CRYBA4: variants seen among roughly 807,000 people sequenced by gnomAD.
CRYBA4 encodes crystallin beta A4, also known as beta-crystallin A4.
Under a neutral mutation model 31.7 loss-of-function variants are expected in CRYBA4, and 30 were observed. The ratio of observed to expected loss-of-function variants is 0.95; its 90% CI spans 0.71 to 1.28. CRYBA4 has a LOEUF of 1.28. CRYBA4 is among the 50% of genes most tolerant of loss of function. The probability of loss-of-function intolerance (pLI) is 0.00; values close to 1 mark genes in which losing one functional copy is unlikely to be tolerated. For missense variants in CRYBA4, 225 were observed against 260.7 expected (o/e 0.86, Z 0.94); for synonymous variants, 102 against 102.3 (o/e 1.00, Z 0.02).
the CRYBA4 span, among the ~76,000 whole-genome samples, chr22:26,596,433 T>G: frequency 6.6e-6 from 1 of 152,202 alleles, no homozygotes; most frequent in African/African-American, 2.4e-5. Flanking sequence ...CTGATGAATT[T>G]CTAGTATGTT....
chr22:26,621,783 G>A (rs1929540202), upstream of CRYBA4, among the ~76,000 whole-genome samples: 1 of 152,200 alleles, frequency 6.6e-6, no homozygotes, highest in Non-Finnish European at 1.5e-5. Flanking sequence ...ATCCCTGGGG[G>A]TGGTGATCTG....
chr22:26,616,081 G>A, the CRYBA4 span: 1 of 1,317,628 alleles, frequency 7.6e-7, no homozygotes, highest in Non-Finnish European at 1.1e-6. Flanking sequence ...GAAGAAGGAG[G>A]AGGAGGGAAG....
chr22:26,613,257 G>C, the CRYBA4 span, among the ~76,000 whole-genome samples: 1 of 152,356 alleles, frequency 6.6e-6, no homozygotes, highest in Middle Eastern at 3.4e-3. Context: ...CATGGACCAA[G>C]GCACAATTTT....
chr22:26,606,978 T>C, the CRYBA4 span, among the ~76,000 whole-genome samples: 1 of 152,036 alleles, frequency 6.6e-6, no homozygotes, highest in Non-Finnish European at 1.5e-5. Flanking sequence ...TATTGTCTTA[T>C]TATTAAGAGG....
the CRYBA4 span, among the ~76,000 whole-genome samples, chr22:26,591,890 T>TACACAC: frequency 0.13 from 18,284 of 135,726 alleles, 1,241 homozygotes; most frequent in Non-Finnish European, 0.16. Flanking sequence ...CCTGGGTGAG[T>TACACAC]ACACACACAC....
chr22:26,622,446 G>T lies in CRYBA4; in HGVS notation c.-12-139G>T, dbSNP rs1036461450. 1.4e-5 allele frequency: 10 copies of T among 739,606 alleles called. No individual in the cohort carries two copies. The Admixed American group carries it at 1.8e-4, about 13-fold the overall frequency. 45.8% of individuals were successfully genotyped at this position (739,606 alleles called of 1,614,324 possible). Reference sequence around the variant, plus strand: ...GATGGAAAGGACAGGAGAGGGACAGGCCAAAGCCATGCATTGCCCCTAGCC... The same window carrying T: ...GATGGAAAGGACAGGAGAGGGACAGTCCAAAGCCATGCATTGCCCCTAGCC... On this transcript the variant is annotated intron_variant, in intron 1 of 5. Transcript: ENST00000354760.
Position 26,630,472 on chromosome 22 carries a change from C to A in CRYBA4, c.576C>A (p.Arg192=), listed in dbSNP as rs749128730. 9 of 1,613,630 alleles carry A rather than the reference C, an allele frequency of 5.6e-6. No individual in the cohort carries two copies. The highest frequency in any genetic ancestry group is 7.6e-6 in the Non-Finnish European group (9 of 1,179,976). The change falls in exon 6 of 6, where the codon CGC becomes CGA. Residue 192 remains arginine (R), a synonymous_variant. Coordinates refer to ENST00000354760, the MANE Select transcript of CRYBA4 (RefSeq NM_001886.3). ...HAPTFQVQSI[R]RIQQ The stretch of plus-strand genomic sequence containing the variant: ...CGACCTTCCAGGTGCAGAGCATCCG[C>A]AGGATCCAGCAGTGAACAGGGGTGC...
At chr22:26,623,402 C>A (rs1360500851) in intron 3 of CRYBA4, 50 bp downstream of exon 3, 1 of 1,432,000 alleles carries the variant, frequency 7.0e-7, no homozygotes, top group Non-Finnish European at 9.9e-7. Flanking sequence ...CAGGAAGGGA[C>A]CTAGAGACGG....
At chr22:26,601,962 T>G in the CRYBA4 span, 2 of 1,613,652 alleles carry the variant, frequency 1.2e-6, no homozygotes, top group Admixed American at 3.3e-5. Context: ...CCTGGATCTC[T>G]ATGGTGTTGC....
At chr22:26,607,740 G>A in the CRYBA4 span, 3 of 1,018,092 alleles carry the variant, frequency 2.9e-6, no homozygotes, top group Non-Finnish European at 4.5e-6. Flanking sequence ...GAATTGATGA[G>A]CTCAAGAATC....
At chr22:26,597,371 G>T in the CRYBA4 span, among the ~76,000 whole-genome samples, 105 of 152,288 alleles carry the variant, frequency 6.9e-4, no homozygotes, top group African/African-American at 2.5e-3. Context: ...CAGCACAAGG[G>T]TATCACATTT....
chr22:26,627,524 C>CTT (rs1198741617), intron 4 of CRYBA4, among the ~76,000 whole-genome samples: 46 of 62,156 alleles, frequency 7.4e-4, no homozygotes, highest in Middle Eastern at 9.8e-3. Flanking sequence ...TTCTTTCTTT[C>CTT]TCTTTCTTTC....
the CRYBA4 span, among the ~76,000 whole-genome samples, chr22:26,593,055 A>C: frequency 6.6e-6 from 1 of 152,168 alleles, no homozygotes; most frequent in East Asian, 1.9e-4. Context: ...TGGACCAGAC[A>C]CCAGACTGTG....
At chr22:26,621,414 A>AC (rs1292872392), upstream of CRYBA4, among the ~76,000 whole-genome samples, 2 of 151,486 alleles carry the variant, frequency 1.3e-5, no homozygotes, top group Non-Finnish European at 2.9e-5. Context: ...CTTCCATCTC[A>AC]CTCTGTACAT....
the CRYBA4 span, among the ~76,000 whole-genome samples, chr22:26,602,942 T>C: frequency 2.6e-5 from 4 of 151,106 alleles, no homozygotes; most frequent in Non-Finnish European, 5.9e-5. Context: ...GCTAACACGA[T>C]GAAACCCCGT....
intron 3 of CRYBA4, among the ~76,000 whole-genome samples, chr22:26,624,185 C>T (rs564562246): frequency 6.7e-6 from 1 of 150,284 alleles, no homozygotes; most frequent in Admixed American, 6.6e-5. Context: ...TGGCCAGTAG[C>T]TACCATATTG....
the CRYBA4 span, chr22:26,616,301 C>T: frequency 1.9e-6 from 3 of 1,613,880 alleles, no homozygotes; most frequent in South Asian, 2.2e-5. Flanking sequence ...GAGGCCGAGG[C>T]CTTTGCAGCC....
the CRYBA4 span, chr22:26,599,525 A>G: frequency 6.2e-7 from 1 of 1,613,318 alleles, no homozygotes; most frequent in Non-Finnish European, 8.5e-7. Flanking sequence ...ACAGGGAAGG[A>G]CCCCTCGAGG....
Position 26,623,323 on chromosome 22 carries a change from T to C in CRYBA4, c.129T>C (p.Thr43=), listed in dbSNP as rs772399300. The C allele has an allele frequency of 3.8e-5, 61 of 1,614,116 alleles. No homozygotes were observed. Among genetic ancestry groups the C allele is most frequent in the Non-Finnish European group, 5.2e-5 (61 of 1,180,014 alleles). Residue 43 remains threonine (T), a synonymous_variant, in exon 3 of 6, where the codon ACT becomes ACC. Coordinates refer to ENST00000354760, the MANE Select transcript of CRYBA4 (RefSeq NM_001886.3). The part of the protein sequence containing the change: ...CPSVLELGFE[T]VRSLKVLSGA... ...GCGTGCTGGAGCTTGGCTTCGAGAC[T>C]GTGCGATCTTTGAAAGTGCTGAGTG...
Sources: gnomAD v4.1 joint callset for allele counts (sites outside exome capture counted in the v4.1 genomes callset) on GRCh38, gnomAD v4.1.1 for gene constraint, MANE v1.5 for transcripts, NCBI Gene and HGNC (gene_info 2026-07-23, HGNC 2026-07-21) for gene names.